HTRA3: variants seen among roughly 807,000 people sequenced by gnomAD.
HTRA3 encodes serine protease HTRA3.
HTRA3 carries 41 observed loss-of-function variants against 43.2 expected under a neutral mutation model. The observed-to-expected ratio is 0.95, with a 90% CI of 0.74 to 1.23. HTRA3 has a LOEUF of 1.23. HTRA3 is among the 50% of genes most tolerant of loss of function. HTRA3 has a pLI of 0.00. For missense variants in HTRA3, 628 were observed against 647.1 expected, an observed-to-expected ratio of 0.97 and a Z score of 0.32; for synonymous variants, 295 against 287.9, an observed-to-expected ratio of 1.02 and a Z score of -0.25.
rs1713433834 is a variant in HTRA3 at position 8,295,832 on chromosome 4, T to C, written c.1051+1631T>C. On this transcript the variant is annotated intron_variant, in intron 6 of 8. Transcript: ENST00000307358. The surrounding 1 kb of genome is among the most constrained non-coding windows in gnomAD (Gnocchi z 6.9). ...GGGCTGGTCACATGAAGAGCTGCTG[T>C]TGAGGATGCCGCCATTGTTCTTCTG... is the stretch of plus-strand genomic sequence containing the variant. The C allele has an allele frequency of 8.1e-7, 1 of 1,239,760 alleles. No individual in the cohort carries two copies. Among genetic ancestry groups the C allele is most frequent in the Non-Finnish European group, 1.0e-6 (1 of 990,662 alleles). The allele number at this position is 1,239,760 out of a possible 1,614,324, so 76.8% of individuals were successfully genotyped here. A position where few individuals can be genotyped will look rare whatever the true frequency, so the allele number is the denominator to read the frequency against.
rs1272459664 is a variant in HTRA3 at position 8,295,661 on chromosome 4, C to T, written c.1051+1460C>T. On this transcript the variant is annotated intron_variant, in intron 6 of 8. Transcript: ENST00000307358. The surrounding 1 kb of genome is among the most constrained non-coding windows in gnomAD (Gnocchi z 6.9). ...AACGCCCAGGCCTGACTCAGCAACT[C>T]ACACTTCCACATTGCTTTGCTGTCT... The T allele has an allele frequency of 1.3e-5, 18 of 1,394,642 alleles. No individual in the cohort carries two copies. Among genetic ancestry groups the T allele is most frequent in the Non-Finnish European group, 1.7e-5 (18 of 1,070,894 alleles). 86.4% of individuals were successfully genotyped at this position (1,394,642 alleles called of 1,614,324 possible).
rs1222009307 is a variant in HTRA3, at chr4:8,306,140, G to A, written c.*4G>A. 2 of 1,567,538 alleles carry A rather than the reference G, an allele frequency of 1.3e-6. No homozygotes were observed. Among genetic ancestry groups the A allele is most frequent in the East Asian group, 2.3e-5 (1 of 44,100 alleles). ...CGCACCTGAGGTGGTCATGTGAGGG[G>A]CGCATTCCTCCAGCGCCAAGCGTCA... On this transcript the variant is annotated 3_prime_UTR_variant, in exon 9 of 9. Transcript: ENST00000307358. The surrounding 1 kb of genome is among the most constrained non-coding windows in gnomAD (Gnocchi z 8.9).
At chr4:8,272,221 G>A (rs1712309245) in intron 1 of HTRA3, among the ~76,000 whole-genome samples, 3 of 152,232 alleles carry the variant, frequency 2.0e-5, no homozygotes, top group Admixed American at 6.5e-5. Flanking sequence ...CGCGTCATGA[G>A]GCACTTTCTC....
rs184636972 is a variant in HTRA3, at chr4:8,285,600, C to T, written c.486-961C>T. On this transcript the variant is annotated intron_variant, in intron 2 of 8. Transcript: ENST00000307358. ...TCTGGGCTGGGCCCCACGCTGGGGT[C>T]CCGAAGGTTCCCACCCTGGAGAAGG... Among the ~76,000 whole-genome samples the T allele has an allele frequency of 6.6e-5, 10 of 152,362 alleles. No homozygotes were observed. The East Asian group carries it at 1.5e-3, about 24-fold the overall frequency.
rs1052644778 is a variant in HTRA3, at chr4:8,282,833, G to A, written c.485+297G>A. ...ATTGGATACATGCAATGTGTTGGTC[G>A]TCCTGAGGGGCCGTGCAGTAAAGCA... is the stretch of plus-strand genomic sequence containing the variant. On this transcript the variant is annotated intron_variant, in intron 2 of 8. Transcript: ENST00000307358. Among the ~76,000 whole-genome samples, 8 of 152,328 alleles carry A rather than the reference G, an allele frequency of 5.3e-5. 1 individual carries two copies. The East Asian group carries it at 5.8e-4, about 11-fold the overall frequency.
At chr4:8,304,467 T>C (rs1713763832) in intron 8 of HTRA3, among the ~76,000 whole-genome samples, 188 bp downstream of exon 8, 1 of 152,084 alleles carries the variant, frequency 6.6e-6, no homozygotes, top group Non-Finnish European at 1.5e-5. Context: ...GCCCTGACTG[T>C]GTACGTCCTA....
Position 8,304,213 on chromosome 4 carries a change from C to G in HTRA3, c.1130C>G (p.Pro377Arg), listed in dbSNP as rs368868800. 2.5e-6 allele frequency: 4 copies of G among 1,614,024 alleles called. No individual in the cohort carries two copies. The highest frequency in any genetic ancestry group is 2.7e-5 in the African/African-American group (2 of 74,900). The stretch of plus-strand genomic sequence containing the variant: ...GTGGATGAGCTGAAGGCCAGCAACC[C>G]GGACTTCCCAGAGGTCAGCAGTGGA... ...SLVDELKASN[P>R]DFPEVSSGIY... The change falls in exon 8 of 9, where the codon CCG becomes CGG. Residue 377 changes from proline (P) to arginine (R), a missense_variant. Transcript: ENST00000307358.
intron 5 of HTRA3, among the ~76,000 whole-genome samples, chr4:8,293,798 G>A (rs1178593233): frequency 6.6e-6 from 1 of 152,178 alleles, no homozygotes; most frequent in African/African-American, 2.4e-5. Flanking sequence ...TGGCCCAGTG[G>A]CCGTGCTTCT....
At chr4:8,289,568 A>T (rs1459986498) in intron 3 of HTRA3, among the ~76,000 whole-genome samples, 1 of 152,176 alleles carries the variant, frequency 6.6e-6, no homozygotes, top group East Asian at 1.9e-4. Context: ...CCTGAGCAGG[A>T]CGCCCCACCA....
Position 8,306,037 on chromosome 4 carries a change from G to C in HTRA3, c.1263G>C (p.Glu421Asp), listed in dbSNP as rs1177272458. Residue 421 changes from glutamate to aspartate, a missense_variant, in exon 9 of 9, where the codon GAG becomes GAC. Transcript: ENST00000307358. The surrounding 1 kb of genome is among the most constrained non-coding windows in gnomAD (Gnocchi z 8.9). Reference sequence around the variant, plus strand: ...GGCGTCCTCTAGTGGACTCGAGTGAGCTGCAGGAGGCCGTGCTGACCGAGT... The same window carrying C: ...GGCGTCCTCTAGTGGACTCGAGTGACCTGCAGGAGGCCGTGCTGACCGAGT... ...VNGRPLVDSS[E>D]LQEAVLTESP... 6.2e-7 allele frequency: 1 copy of C among 1,613,086 alleles called. No homozygotes were observed.
intron 6 of HTRA3, among the ~76,000 whole-genome samples, chr4:8,301,109 ACT>A (rs1434316117): frequency 2.0e-5 from 3 of 149,172 alleles, no homozygotes; most frequent in Admixed American, 6.7e-5. Context: ...ATTGATTCAC[ACT>A]CTCAGCTTTA....
At chr4:8,292,921 G>C (rs965771463) in intron 5 of HTRA3, among the ~76,000 whole-genome samples, 1 of 152,196 alleles carries the variant, frequency 6.6e-6, no homozygotes, top group Non-Finnish European at 1.5e-5. Context: ...CTGGAGGGAC[G>C]CTGGGCAGGA....
chr4:8,306,457 C>T lies in HTRA3; in HGVS notation c.*321C>T. 1 of 261,154 alleles carries T rather than the reference C, an allele frequency of 3.8e-6. No homozygotes were observed. The allele number at this position is 261,154 out of a possible 1,614,324, so 16.2% of individuals were successfully genotyped here. A position where few individuals can be genotyped will look rare whatever the true frequency, so the allele number is the denominator to read the frequency against. The stretch of plus-strand genomic sequence containing the variant: ...CTCCTCTCCTAGCTTCCCGCCTCTG[C>T]CCCTGTGAACACCCATCTGCAGTAT... On this transcript the variant is annotated 3_prime_UTR_variant, in exon 9 of 9. Coordinates refer to ENST00000307358, the MANE Select transcript of HTRA3 (RefSeq NM_053044.5). This position sits in a 1 kb window ranked among gnomAD's most constrained non-coding sequence, Gnocchi z 8.9.
At position 8,269,767 on chromosome 4, in the gene HTRA3, G is replaced by A. The variant is rs773021792; in HGVS notation, c.-202G>A. 1.3e-4 allele frequency: 20 copies of A among 157,756 alleles called. No homozygotes were observed. The highest frequency in any genetic ancestry group is 2.6e-4 in the Non-Finnish European group (19 of 72,604). The allele number at this position is 157,756 out of a possible 1,614,324, so 9.8% of individuals were successfully genotyped here. On this transcript the variant is annotated 5_prime_UTR_variant, in exon 1 of 9. Transcript: ENST00000307358. ...CGCCCGCGGACCGTCAGGCTGGAGGGAGCTGGTCCCTGCGCTCCCTGCGCC... is the reference window on the plus strand; with the variant it reads ...CGCCCGCGGACCGTCAGGCTGGAGGAAGCTGGTCCCTGCGCTCCCTGCGCC...
intron 1 of HTRA3, among the ~76,000 whole-genome samples, chr4:8,272,563 C>G (rs996823072): frequency 1.3e-5 from 2 of 152,256 alleles, no homozygotes; most frequent in African/African-American, 4.8e-5. Flanking sequence ...GCACACGCCC[C>G]TTGCCTGATG....
chr4:8,278,035 C>G (rs1324415344), intron 1 of HTRA3, among the ~76,000 whole-genome samples: 1 of 152,224 alleles, frequency 6.6e-6, no homozygotes, highest in Admixed American at 6.5e-5. Context: ...AAGCTGGCCA[C>G]TCTGATATTT....
At chr4:8,291,789 G>A (rs1022390159) in intron 4 of HTRA3, among the ~76,000 whole-genome samples, 5 of 152,346 alleles carry the variant, frequency 3.3e-5, no homozygotes, top group Middle Eastern at 3.4e-3. Context: ...GTCCTCGCTC[G>A]GGCAGCCTTT....
intron 2 of HTRA3, among the ~76,000 whole-genome samples, chr4:8,284,181 G>A (rs1712867620): frequency 6.6e-6 from 1 of 152,214 alleles, no homozygotes. Flanking sequence ...GGTGCCCCGT[G>A]CTGATGGACC....
In HTRA3 at chr4:8,286,189, G is replaced by C. The variant is rs772868309; in HGVS notation, c.486-372G>C. On this transcript the variant is annotated intron_variant, in intron 2 of 8. Coordinates refer to ENST00000307358, the MANE Select transcript of HTRA3 (RefSeq NM_053044.5). The surrounding 1 kb of genome is among the most constrained non-coding windows in gnomAD (Gnocchi z 4.9). ...CAGAGAGCTTCACTGACCTGCCCAC[G>C]GTCAGGCAGATAATAAGTGGGTCCT... Among the ~76,000 whole-genome samples the C allele has an allele frequency of 2.6e-5, 4 of 152,198 alleles. No homozygotes were observed. The highest frequency in any genetic ancestry group is 5.9e-5 in the Non-Finnish European group (4 of 68,038).
Sources: allele counts gnomAD v4.1 joint callset (sites outside exome capture counted in the v4.1 genomes callset), GRCh38; gene constraint gnomAD v4.1.1; non-coding constraint Gnocchi (gnomAD v3.1); transcripts MANE v1.5; gene names NCBI Gene and HGNC (gene_info 2026-07-23, HGNC 2026-07-21).